Variants in MYZAP observed in about 807,000 individuals in gnomAD.
MYZAP encodes GRINL1A complex locus upstream.
MYZAP carries 66 observed loss-of-function variants against 69.4 expected under a neutral mutation model. The observed-to-expected ratio is 0.95, with a 90% CI of 0.78 to 1.17. The LOEUF (loss-of-function observed/expected upper bound fraction) is 1.17. MYZAP is among the 50% of genes most tolerant of loss of function. MYZAP has a pLI of 0.00. For missense variants in MYZAP, 611 were observed against 556.2 expected (o/e 1.10, Z -0.99); for synonymous variants, 256 against 205.9 (o/e 1.24, Z -2.09).
In MYZAP at chr15:57,661,517, C is replaced by G. The variant is rs769290948; in HGVS notation, c.1187C>G (p.Ser396Cys). The G allele has an allele frequency of 1.2e-6, 2 of 1,609,836 alleles. No individual in the cohort carries two copies. The highest frequency in any genetic ancestry group is 1.3e-5 in the African/African-American group (1 of 74,846). Residue 396 changes from serine (S) to cysteine (C), a missense_variant, in exon 11 of 13, where the codon TCT becomes TGT. Physicochemically the swap from Ser to Cys is moderately radical, Grantham distance 112. Transcript: ENST00000267853. ...ATACTGCAGCTTTTAGAAAAGATAT[C>G]TTTCTTAGAAGGAGAGGTAAGGATC... ...LLILQLLEKI[S>C]FLEGENNELQ... is the part of the protein sequence containing the mutation.
At chr15:57,645,105 AC>A (rs1309130607) in intron 10 of MYZAP, among the ~76,000 whole-genome samples, 1 of 152,222 alleles carries the variant, frequency 6.6e-6, no homozygotes, top group Admixed American at 6.5e-5. Flanking sequence ...GAAGGCAAAA[AC>A]ATCTTGGTTA....
chr15:57,601,841 A>G (rs1160430855), intron 1 of MYZAP, among the ~76,000 whole-genome samples: 2 of 152,192 alleles, frequency 1.3e-5, no homozygotes, highest in African/African-American at 4.8e-5. Flanking sequence ...TTGCAGTCCG[A>G]GGACAACCCT....
intron 11 of MYZAP, among the ~76,000 whole-genome samples, chr15:57,664,037 G>A (rs557368996): frequency 6.7e-6 from 1 of 149,818 alleles, no homozygotes; most frequent in East Asian, 2.0e-4. Context: ...AATATCATGG[G>A]TTTTAATTTA....
chr15:57,601,848 C>A (rs547679200), intron 1 of MYZAP, among the ~76,000 whole-genome samples: 104 of 152,232 alleles, frequency 6.8e-4, no homozygotes, highest in African/African-American at 2.3e-3. Flanking sequence ...CCGAGGACAA[C>A]CCTGGGTCCA....
chr15:57,602,151 G>A (rs1438891935), intron 1 of MYZAP, among the ~76,000 whole-genome samples: 1 of 152,142 alleles, frequency 6.6e-6, no homozygotes, highest in Non-Finnish European at 1.5e-5. Context: ...CCACCCTGTG[G>A]ACCAGTGCAG....
intron 2 of MYZAP, among the ~76,000 whole-genome samples, chr15:57,605,949 CG>C (rs1303885475): frequency 6.6e-6 from 1 of 151,798 alleles, no homozygotes; most frequent in Non-Finnish European, 1.5e-5. Context: ...AAAATCCATA[CG>C]TTTGTAGTGA....
At chr15:57,674,011 G>A (rs1351821119) in intron 11 of MYZAP, among the ~76,000 whole-genome samples, 1 of 152,196 alleles carries the variant, frequency 6.6e-6, no homozygotes, top group Non-Finnish European at 1.5e-5. Context: ...CAACCAGGAA[G>A]ATAGATATGA....
intron 11 of MYZAP, among the ~76,000 whole-genome samples, chr15:57,674,434 T>G (rs1459004031): frequency 6.6e-6 from 1 of 152,222 alleles, no homozygotes; most frequent in African/African-American, 2.4e-5. Context: ...GAAAGACTAA[T>G]TAAGTTATAG....
At chr15:57,628,834 C>T (rs938955276) in intron 5 of MYZAP, among the ~76,000 whole-genome samples, 2 of 152,162 alleles carry the variant, frequency 1.3e-5, no homozygotes, top group Non-Finnish European at 2.9e-5. Context: ...CCTGTAATCC[C>T]AGCACTTTGG....
chr15:57,668,089 G>A (rs2038676072), intron 11 of MYZAP, among the ~76,000 whole-genome samples: 1 of 152,164 alleles, frequency 6.6e-6, no homozygotes, highest in Non-Finnish European at 1.5e-5. Context: ...CTTTCACTCA[G>A]CATAATGATT....
At chr15:57,599,493 G>A (rs1483801639) in intron 1 of MYZAP, 9 of 1,198,886 alleles carry the variant, frequency 7.5e-6, no homozygotes, top group Non-Finnish European at 9.5e-6. Flanking sequence ...CTTGCCCCCA[G>A]GGACAGCTGG....
chr15:57,624,062 A>G (rs1427108720), intron 4 of MYZAP, among the ~76,000 whole-genome samples: 1 of 152,214 alleles, frequency 6.6e-6, no homozygotes, highest in East Asian at 1.9e-4. Flanking sequence ...AATTTTTTAT[A>G]AAAATATAAA....
chr15:57,621,803 T>C, intron 4 of MYZAP, 103 bp downstream of exon 4: 1 of 984,970 alleles, frequency 1.0e-6, no homozygotes, highest in East Asian at 2.8e-5. Flanking sequence ...TAGTGTTCTT[T>C]ATCAATAGAA....
chr15:57,648,538 T>C, intron 10 of MYZAP: 1 of 941,524 alleles, frequency 1.1e-6, no homozygotes, highest in East Asian at 1.2e-4. Flanking sequence ...CCCAGTTTTT[T>C]AAGCATGGGA....
intron 10 of MYZAP, among the ~76,000 whole-genome samples, chr15:57,643,038 A>G (rs1382570853): frequency 6.6e-6 from 1 of 152,196 alleles, no homozygotes; most frequent in East Asian, 1.9e-4. Flanking sequence ...GTCTCCTGTC[A>G]TGGATGTCAG....
intron 5 of MYZAP, 96 bp from the exon 6 acceptor site, chr15:57,629,606 C>T: frequency 6.7e-7 from 1 of 1,489,812 alleles, no homozygotes; most frequent in Non-Finnish European, 9.0e-7. Flanking sequence ...ACAGCTACCC[C>T]AGTGCTTAAT....
intron 1 of MYZAP, among the ~76,000 whole-genome samples, chr15:57,595,269 C>G (rs2033979883): frequency 6.6e-6 from 1 of 152,090 alleles, no homozygotes; most frequent in Admixed American, 6.5e-5. Flanking sequence ...TTATGGATGC[C>G]AACCAGCAGA....
intron 12 of MYZAP, among the ~76,000 whole-genome samples, chr15:57,676,918 C>T (rs546567295): frequency 6.6e-6 from 1 of 152,270 alleles, no homozygotes; most frequent in African/African-American, 2.4e-5. Flanking sequence ...CATTTGGTTT[C>T]CCCCCGGATC....
chr15:57,626,603 C>T (rs2036151679), intron 5 of MYZAP, among the ~76,000 whole-genome samples: 1 of 152,218 alleles, frequency 6.6e-6, no homozygotes, highest in African/African-American at 2.4e-5. Context: ...TTCCCTTGGT[C>T]TTCATTTCCA....
Sources: gnomAD v4.1 joint callset for allele counts (sites outside exome capture counted in the v4.1 genomes callset) on GRCh38, gnomAD v4.1.1 for gene constraint, MANE v1.5 for transcripts, NCBI Gene and HGNC (gene_info 2026-07-23, HGNC 2026-07-21) for gene names.